MCC: variants seen among roughly 807,000 people sequenced by gnomAD.
The protein encoded by MCC is colorectal mutant cancer protein.
Under a neutral mutation model 116.2 loss-of-function variants are expected in MCC, and 90 were observed. The ratio of observed to expected loss-of-function variants is 0.77; its 90% CI spans 0.65 to 0.92. The LOEUF (loss-of-function observed/expected upper bound fraction) is 0.92, where lower values mean the gene tolerates loss of function less well. Ranked by LOEUF, MCC falls within the 40% of genes least tolerant of loss-of-function variation. MCC has a pLI of 0.00. For synonymous variants in MCC, 578 were observed against 510.5 expected (o/e 1.13, Z -1.78); for missense variants, 1,516 against 1,312.2 (o/e 1.16, Z -2.40).
At chr5:113,063,885 G>T in intron 14 of MCC, 99 bp downstream of exon 14, 1 of 1,326,164 alleles carries the variant, frequency 7.5e-7, no homozygotes, top group Non-Finnish European at 1.0e-6. Context: ...CTTTTCCCAA[G>T]CCACACAGTC....
chr5:113,196,085 C>T (rs1373440411), intron 3 of MCC, among the ~76,000 whole-genome samples: 1 of 152,232 alleles, frequency 6.6e-6, no homozygotes, highest in Non-Finnish European at 1.5e-5. Flanking sequence ...TTACTTGTGC[C>T]TCGGTTGGCA....
intron 3 of MCC, among the ~76,000 whole-genome samples, chr5:113,184,307 C>T (rs1325426674): frequency 6.6e-6 from 1 of 152,116 alleles, no homozygotes; most frequent in Non-Finnish European, 1.5e-5. Flanking sequence ...ACCTACCCTC[C>T]CTGAAACTCA....
intron 3 of MCC, chr5:113,234,770 C>T (rs756809725): frequency 1.3e-5 from 2 of 152,230 alleles, no homozygotes; most frequent in African/African-American, 4.8e-5. Flanking sequence ...TATACTTCTT[C>T]ACAGGCCCCA....
intron 3 of MCC, among the ~76,000 whole-genome samples, chr5:113,321,582 G>C (rs1767424116): frequency 6.6e-6 from 1 of 152,242 alleles, no homozygotes; most frequent in Admixed American, 6.5e-5. Flanking sequence ...AGAATTGAGA[G>C]ATAGCTTCTC....
At chr5:113,219,865 T>C (rs571700925) in intron 3 of MCC, among the ~76,000 whole-genome samples, 117 of 152,140 alleles carry the variant, frequency 7.7e-4, no homozygotes, top group Non-Finnish European at 1.5e-3. Flanking sequence ...CTATGCCATT[T>C]TCTACTGTAT....
chr5:113,315,374 A>G lies in MCC; in HGVS notation c.627+25145T>C, dbSNP rs976004558. The stretch of plus-strand genomic sequence containing the variant: ...TAGTTATGTATCTAGTGGGTGCTCA[A>G]TAAGTTATAGGTATTAGATTAAATC... On this transcript the variant is annotated intron_variant, in intron 3 of 18. Transcript: ENST00000408903. Among the ~76,000 whole-genome samples, 9 of 152,204 alleles carry G rather than the reference A, an allele frequency of 5.9e-5. No homozygotes were observed. In the East Asian group the frequency reaches 7.7e-4, roughly 13 times the overall value.
intron 1 of MCC, among the ~76,000 whole-genome samples, chr5:113,389,075 T>TAC (rs1769342898): frequency 6.6e-6 from 1 of 152,214 alleles, no homozygotes; most frequent in Non-Finnish European, 1.5e-5. Flanking sequence ...CCTTCTATGT[T>TAC]ACACATGAAT....
intron 3 of MCC, among the ~76,000 whole-genome samples, chr5:113,289,162 C>G (rs1273231370): frequency 1.3e-5 from 2 of 151,836 alleles, no homozygotes; most frequent in Non-Finnish European, 2.9e-5. Context: ...GAAACTCTGT[C>G]TCTACTAAAA....
intron 3 of MCC, among the ~76,000 whole-genome samples, chr5:113,274,146 A>G (rs1005056740): frequency 5.3e-5 from 8 of 152,236 alleles, no homozygotes; most frequent in Non-Finnish European, 8.8e-5. Flanking sequence ...TCACGCCATC[A>G]GACAGTACCA....
At chr5:113,476,829 T>C (rs1052676442) in intron 1 of MCC, among the ~76,000 whole-genome samples, 3 of 152,182 alleles carry the variant, frequency 2.0e-5, no homozygotes, top group African/African-American at 4.8e-5. Context: ...GTTGCAATGA[T>C]TGTTACACGA....
At chr5:113,464,263 C>A (rs1771835394) in intron 1 of MCC, among the ~76,000 whole-genome samples, 1 of 152,128 alleles carries the variant, frequency 6.6e-6, no homozygotes, top group African/African-American at 2.4e-5. Context: ...AGCCAAAGTC[C>A]TCACAATAAT....
Position 113,466,481 on chromosome 5 carries a change from G to A in MCC, c.170+21764C>T, listed in dbSNP as rs181779177. 3.1e-3 allele frequency among the ~76,000 whole-genome samples: 468 copies of A among 151,926 alleles called. 3 individuals carry two copies. The highest frequency in any genetic ancestry group is 0.011 in the African/African-American group (436 of 41,390). On this transcript the variant is annotated intron_variant, in intron 1 of 18. Transcript: ENST00000408903. ...AGTTTGCTGAGAATGATGGTTTCCA[G>A]TTTCATCCATGTCCCTACAAAGGAC... is the stretch of plus-strand genomic sequence containing the variant.
At chr5:113,042,305 C>CAAAA (rs59401267) in intron 17 of MCC, among the ~76,000 whole-genome samples, 18,740 of 88,934 alleles carry the variant, frequency 0.21, 1,733 homozygotes, top group Non-Finnish European at 0.25. Context: ...GACCCTGTCT[C>CAAAA]AAAAAAAAAA....
At chr5:113,391,630 G>A (rs1161319896) in intron 1 of MCC, among the ~76,000 whole-genome samples, 1 of 151,940 alleles carries the variant, frequency 6.6e-6, no homozygotes, top group Non-Finnish European at 1.5e-5. Context: ...AGGCAGGAAG[G>A]TCACTTGAGT....
At chr5:113,394,899 G>A (rs1459027569) in intron 1 of MCC, among the ~76,000 whole-genome samples, 2 of 152,202 alleles carry the variant, frequency 1.3e-5, no homozygotes, top group Non-Finnish European at 2.9e-5. Flanking sequence ...TTGGAACAGA[G>A]CATGCCCATT....
At chr5:113,257,908 G>A (rs1226864836) in intron 3 of MCC, among the ~76,000 whole-genome samples, 4 of 152,194 alleles carry the variant, frequency 2.6e-5, no homozygotes, top group African/African-American at 9.7e-5. Context: ...TTACGGGAGG[G>A]AGGACAGATG....
intron 3 of MCC, among the ~76,000 whole-genome samples, chr5:113,252,766 G>T (rs1238198961): frequency 6.6e-6 from 1 of 150,396 alleles, no homozygotes; most frequent in East Asian, 1.9e-4. Flanking sequence ...CACTGTAGTT[G>T]CTATGGCACC....
chr5:113,128,140 G>C (rs1340536919), intron 5 of MCC, among the ~76,000 whole-genome samples: 1 of 152,210 alleles, frequency 6.6e-6, no homozygotes, highest in East Asian at 1.9e-4. Context: ...AAGTACTATG[G>C]AGTCAACAGC....
chr5:113,044,005 A>C (rs1046766376), intron 16 of MCC, among the ~76,000 whole-genome samples: 4 of 38,910 alleles, frequency 1.0e-4, no homozygotes, highest in Non-Finnish European at 2.3e-4. Context: ...GGCACAGAGA[A>C]GTTATGCGGC....
Sources: gnomAD v4.1 joint callset for allele counts (sites outside exome capture counted in the v4.1 genomes callset) on GRCh38, gnomAD v4.1.1 for gene constraint, MANE v1.5 for transcripts, NCBI Gene and HGNC (gene_info 2026-07-23, HGNC 2026-07-21) for gene names.